Variants in SPATA7 observed in about 807,000 individuals in gnomAD.
SPATA7 encodes the protein spermatogenesis associated 7.
In SPATA7, 43 loss-of-function variants were observed where a neutral mutation model predicts 51.8. The observed-to-expected ratio is 0.83, with a 90% CI of 0.65 to 1.07. The LOEUF (loss-of-function observed/expected upper bound fraction) is 1.07. Ranked by LOEUF, SPATA7 falls within the 50% of genes least tolerant of loss-of-function variation. The probability of loss-of-function intolerance (pLI) is 0.00; values close to 1 mark genes in which losing one functional copy is unlikely to be tolerated. For synonymous variants in SPATA7, 230 were observed against 252.8 expected (o/e 0.91, Z 0.86); for missense variants, 683 against 701.3 (o/e 0.97, Z 0.30).
At chr14:88,437,702 T>C in intron 11 of SPATA7, 105 bp downstream of exon 11, 1 of 1,356,596 alleles carries the variant, frequency 7.4e-7, no homozygotes, top group Non-Finnish European at 1.0e-6. Context: ...TGCTTTTTTT[T>C]TCCCTTGAAC....
intron 4 of SPATA7, among the ~76,000 whole-genome samples, chr14:88,409,531 A>C (rs2076285002): frequency 6.8e-6 from 1 of 147,526 alleles, no homozygotes; most frequent in African/African-American, 2.7e-5. Context: ...TCATCTTTTC[A>C]AAAAAACAGC....
chr14:88,423,374 C>CA (rs59070171), intron 5 of SPATA7, among the ~76,000 whole-genome samples: 1,062 of 41,434 alleles, frequency 0.026, 9 homozygotes, highest in Middle Eastern at 0.083. Flanking sequence ...CCCATCTCTA[C>CA]AAAAAAAAAA....
rs560309219 is a variant in SPATA7, at chr14:88,469,768, T to C, written c.255-79T>C. On this transcript the variant is annotated intron_variant, in intron 4 of 4. Coordinates refer to the SPATA7 transcript ENST00000556406. The surrounding 1 kb of genome is among the most constrained non-coding windows in gnomAD (Gnocchi z 4.3). ...ATGAGCATGGTTAAATGACTCGAGA[T>C]CCGGCAATGGATGCCTTTCTCACAT... 1.9e-6 allele frequency: 3 copies of C among 1,609,322 alleles called. No homozygotes were observed. Among genetic ancestry groups the C allele is most frequent in the South Asian group, 1.1e-5 (1 of 90,946 alleles).
chr14:88,453,198 C>T (rs909331278), intron 3 of SPATA7, among the ~76,000 whole-genome samples: 17 of 152,092 alleles, frequency 1.1e-4, no homozygotes, highest in African/African-American at 2.4e-5. Context: ...CATTTGTTCA[C>T]GGAGGAAGAT....
chr14:88,418,776 C>T (rs2076554381), intron 5 of SPATA7, among the ~76,000 whole-genome samples: 1 of 152,050 alleles, frequency 6.6e-6, no homozygotes, highest in Non-Finnish European at 1.5e-5. Flanking sequence ...GCCCGGCCTA[C>T]AATTTTCATT....
At chr14:88,435,982 C>T (rs1349922333) in intron 10 of SPATA7, among the ~76,000 whole-genome samples, 2 of 152,114 alleles carry the variant, frequency 1.3e-5, no homozygotes, top group African/African-American at 4.8e-5. Context: ...TGAGGGACCT[C>T]CAAACTGTTC....
chr14:88,401,817 G>A (rs1430267501), intron 4 of SPATA7, among the ~76,000 whole-genome samples: 1 of 120,692 alleles, frequency 8.3e-6, no homozygotes, highest in East Asian at 2.6e-4. Flanking sequence ...AGCTTGGGCA[G>A]CAGAGAAAGA....
chr14:88,443,989 G>GTA (rs955520849), intron 3 of SPATA7, among the ~76,000 whole-genome samples: 3 of 151,876 alleles, frequency 2.0e-5, no homozygotes, highest in African/African-American at 7.3e-5. Context: ...AGTCCTTTGG[G>GTA]TATATACCCA....
chr14:88,406,898 A>G (rs2076215406), intron 4 of SPATA7, among the ~76,000 whole-genome samples: 1 of 152,088 alleles, frequency 6.6e-6, no homozygotes, highest in African/African-American at 2.4e-5. Context: ...TGAGAATGAT[A>G]GTTTCCAGCT....
intron 4 of SPATA7, among the ~76,000 whole-genome samples, chr14:88,406,423 C>T (rs2076200432): frequency 1.3e-5 from 2 of 150,442 alleles, no homozygotes; most frequent in African/African-American, 4.9e-5. Context: ...CCCCAGGCAA[C>T]CACTAATCTA....
At chr14:88,395,856 T>C (rs2075865135) in intron 3 of SPATA7, among the ~76,000 whole-genome samples, 1 of 152,138 alleles carries the variant, frequency 6.6e-6, no homozygotes, top group East Asian at 1.9e-4. Flanking sequence ...GTAGTGTAAG[T>C]CTTCCATTTT....
chr14:88,423,488 C>T (rs1018406794), intron 5 of SPATA7, among the ~76,000 whole-genome samples: 5 of 150,418 alleles, frequency 3.3e-5, no homozygotes, highest in African/African-American at 9.8e-5. Flanking sequence ...CCCAGGAGGT[C>T]GTGGCTGCAG....
At chr14:88,461,692 G>A (rs909420878) in intron 4 of SPATA7, among the ~76,000 whole-genome samples, 5 of 151,918 alleles carry the variant, frequency 3.3e-5, no homozygotes, top group East Asian at 3.9e-4. Context: ...TTTGGCTTAC[G>A]CTCGGTGGGC....
chr14:88,392,228 G>T (rs1049608541), intron 2 of SPATA7, among the ~76,000 whole-genome samples: 11 of 152,008 alleles, frequency 7.2e-5, no homozygotes, highest in Admixed American at 2.0e-4. Context: ...GTTAAAACTA[G>T]ATTTAAAATA....
At chr14:88,424,486 A>G (rs1030288787) in intron 5 of SPATA7, among the ~76,000 whole-genome samples, 7 of 151,670 alleles carry the variant, frequency 4.6e-5, no homozygotes, top group African/African-American at 1.7e-4. Flanking sequence ...TTGTTTATTA[A>G]ATAACCATTA....
intron 3 of SPATA7, among the ~76,000 whole-genome samples, chr14:88,444,655 T>G (rs2077199369): frequency 6.6e-6 from 1 of 152,228 alleles, no homozygotes; most frequent in Non-Finnish European, 1.5e-5. Context: ...CTGAACTGAT[T>G]TTCGTATAAG....
intron 4 of SPATA7, among the ~76,000 whole-genome samples, chr14:88,406,416 C>T (rs929188570): frequency 6.7e-6 from 1 of 149,952 alleles, no homozygotes; most frequent in Admixed American, 6.6e-5. Context: ...CCCCTAGCCC[C>T]AGGCAACCAC....
At chr14:88,409,696 A>G (rs1438744480) in intron 4 of SPATA7, among the ~76,000 whole-genome samples, 1 of 152,144 alleles carries the variant, frequency 6.6e-6, no homozygotes, top group Admixed American at 6.5e-5. Flanking sequence ...TGTCGATTTT[A>G]GATCTTTCCC....
intron 8 of SPATA7, 53 bp downstream of exon 8, chr14:88,429,516 A>G (rs1434579722): frequency 5.3e-6 from 6 of 1,123,686 alleles, no homozygotes; most frequent in Admixed American, 3.4e-5. Flanking sequence ...GCCTTCTTGT[A>G]TAACAGACAT....
Sources: gnomAD v4.1 joint callset for allele counts (sites outside exome capture counted in the v4.1 genomes callset) on GRCh38, gnomAD v4.1.1 for gene constraint, Gnocchi (gnomAD v3.1) non-coding constraint, MANE v1.5 for transcripts, NCBI Gene and HGNC (gene_info 2026-07-23, HGNC 2026-07-21) for gene names.